C12orf42: variants seen among roughly 807,000 people sequenced by gnomAD.
C12orf42 encodes the protein uncharacterized protein C12orf42.
A neutral mutation model predicts 21.6 loss-of-function variants in C12orf42; 25 were observed. The ratio of observed to expected loss-of-function variants is 1.16; its 90% CI spans 0.84 to 1.62. C12orf42 has a LOEUF of 1.62. Ranked by LOEUF, C12orf42 falls within the 40% of genes most tolerant of loss-of-function variation. C12orf42 has a pLI of 0.00. For synonymous variants in C12orf42, 174 were observed against 175.0 expected, an observed-to-expected ratio of 0.99 and a Z score of 0.05; for missense variants, 483 against 459.3, an observed-to-expected ratio of 1.05 and a Z score of -0.47.
chr12:103,465,652 G>A (rs1302254224), intron 2 of C12orf42, among the ~76,000 whole-genome samples: 1 of 152,190 alleles, frequency 6.6e-6, no homozygotes, highest in African/African-American at 2.4e-5. Flanking sequence ...CGAGAGTGGT[G>A]AGAGAGGGCA....
At chr12:103,463,067 T>A (rs1199061629) in intron 2 of C12orf42, among the ~76,000 whole-genome samples, 1 of 152,222 alleles carries the variant, frequency 6.6e-6, no homozygotes, top group Admixed American at 6.5e-5. Context: ...AGGAGACTGA[T>A]ATATAATGGG....
chr12:103,446,480 G>C (rs1397948162), intron 2 of C12orf42, among the ~76,000 whole-genome samples: 1 of 151,962 alleles, frequency 6.6e-6, no homozygotes, highest in Admixed American at 6.6e-5. Context: ...GCAACAAATA[G>C]CATAATGAAT....
intron 3 of C12orf42, among the ~76,000 whole-genome samples, chr12:103,389,421 AG>A (rs1278578416): frequency 2.0e-5 from 3 of 152,208 alleles, no homozygotes; most frequent in African/African-American, 7.2e-5. Flanking sequence ...GCCAAAGGAA[AG>A]GAGGAATAAA....
At chr12:103,454,227 T>C (rs978205098) in intron 2 of C12orf42, among the ~76,000 whole-genome samples, 4 of 152,138 alleles carry the variant, frequency 2.6e-5, no homozygotes, top group African/African-American at 7.2e-5. Flanking sequence ...GTCTATAGTT[T>C]GTGCTCAGTT....
chr12:103,254,232 G>T (rs1475027579), intron 10 of C12orf42, among the ~76,000 whole-genome samples: 1 of 152,036 alleles, frequency 6.6e-6, no homozygotes, highest in Admixed American at 6.6e-5. Context: ...ATTAAATAGG[G>T]GATCCTTTCC....
chr12:103,512,667 G>A, the C12orf42 span, among the ~76,000 whole-genome samples: 2 of 152,120 alleles, frequency 1.3e-5, no homozygotes, highest in African/African-American at 4.8e-5. Context: ...TTGAGAACTC[G>A]TAAGGATTGC....
At chr12:103,319,985 G>A (rs1329770180) in intron 4 of C12orf42, among the ~76,000 whole-genome samples, 2 of 152,142 alleles carry the variant, frequency 1.3e-5, no homozygotes, top group Non-Finnish European at 2.9e-5. Context: ...ACAAAAGGGA[G>A]GTCCTGAATA....
At chr12:103,112,717 A>G in the C12orf42 span, among the ~76,000 whole-genome samples, 33 of 152,224 alleles carry the variant, frequency 2.2e-4, no homozygotes, top group Non-Finnish European at 4.0e-4. Context: ...CTGCTAGATG[A>G]AATACAAACT....
At chr12:103,492,251 C>T (rs1215437861) in intron 1 of C12orf42, among the ~76,000 whole-genome samples, 1 of 152,208 alleles carries the variant, frequency 6.6e-6, no homozygotes, top group Non-Finnish European at 1.5e-5. Context: ...AGCCACCGCA[C>T]CTGGCCCTCA....
intron 2 of C12orf42, among the ~76,000 whole-genome samples, chr12:103,434,945 G>A (rs1319404794): frequency 6.6e-6 from 1 of 152,248 alleles, no homozygotes; most frequent in Non-Finnish European, 1.5e-5. Context: ...ACCTCGGGGG[G>A]CAGGGCACAG....
At chr12:103,520,332 T>C in the C12orf42 span, among the ~76,000 whole-genome samples, 1 of 152,142 alleles carries the variant, frequency 6.6e-6, no homozygotes, top group African/African-American at 2.4e-5. Flanking sequence ...GTGTGTTCCC[T>C]CTGTTTACCT....
At chr12:103,167,673 A>G in the C12orf42 span, among the ~76,000 whole-genome samples, 1 of 152,178 alleles carries the variant, frequency 6.6e-6, no homozygotes, top group Non-Finnish European at 1.5e-5. Flanking sequence ...GGATTTTGAC[A>G]TTTCATTTCA....
At chr12:103,064,386 A>G in the C12orf42 span, among the ~76,000 whole-genome samples, 2,494 of 152,340 alleles carry the variant, frequency 0.016, 78 homozygotes, top group African/African-American at 0.057. Context: ...CAGCAGAGGC[A>G]AAGCACCAAT....
intron 10 of C12orf42, among the ~76,000 whole-genome samples, chr12:103,247,744 T>A (rs1040804445): frequency 7.2e-5 from 11 of 152,040 alleles, no homozygotes; most frequent in Non-Finnish European, 1.3e-4. Flanking sequence ...TGTACATGTC[T>A]CTAGTGGTTA....
At chr12:103,048,071 A>G in the C12orf42 span, among the ~76,000 whole-genome samples, 1 of 152,144 alleles carries the variant, frequency 6.6e-6, no homozygotes, top group Non-Finnish European at 1.5e-5. Context: ...TTTACAAACA[A>G]TCTACCAGTC....
At chr12:103,411,493 C>T (rs1482424997) in intron 2 of C12orf42, among the ~76,000 whole-genome samples, 1 of 152,082 alleles carries the variant, frequency 6.6e-6, no homozygotes. Flanking sequence ...TGTATCTCTC[C>T]AAAACTCATG....
Position 103,470,957 on chromosome 12 carries a change from G to A in C12orf42, c.78+7392C>T, listed in dbSNP as rs964939008. On this transcript the variant is annotated intron_variant, in intron 2 of 5. Coordinates refer to ENST00000548883, the MANE Select transcript of C12orf42 (RefSeq NM_198521.5). ...TGAATGCCTCAGACATCATGAAGCA[G>A]AAGCAAGTCATCCTTACTGTGCTCT... Among the ~76,000 whole-genome samples, 5 of 152,312 alleles carry A rather than the reference G, an allele frequency of 3.3e-5. No individual in the cohort carries two copies. In the East Asian group the frequency reaches 9.7e-4, roughly 29 times the overall value.
chr12:103,486,082 C>T (rs1218874886), intron 1 of C12orf42, among the ~76,000 whole-genome samples: 1 of 152,108 alleles, frequency 6.6e-6, no homozygotes, highest in Non-Finnish European at 1.5e-5. Flanking sequence ...CAGTTTTTGC[C>T]CAATCAGTAT....
the C12orf42 span, among the ~76,000 whole-genome samples, chr12:103,192,950 A>G: frequency 0.011 from 1,642 of 152,310 alleles, 24 homozygotes; most frequent in African/African-American, 0.037. Flanking sequence ...CTTCTTCTCA[A>G]GCACATATGG....
Sources: allele counts gnomAD v4.1 joint callset (sites outside exome capture counted in the v4.1 genomes callset), GRCh38; gene constraint gnomAD v4.1.1; transcripts MANE v1.5; gene names NCBI Gene and HGNC (gene_info 2026-07-23, HGNC 2026-07-21).